PPARGC1A: variants seen among roughly 807,000 people sequenced by gnomAD.
The protein encoded by PPARGC1A is PPARG coactivator 1 alpha, also known as peroxisome proliferator-activated receptor gamma coactivator 1-alpha.
In PPARGC1A, 25 loss-of-function variants were observed where a neutral mutation model predicts 88.7. That is an observed-to-expected ratio of 0.28 (90% confidence interval 0.21 to 0.39). PPARGC1A has a LOEUF of 0.39. Among genes scored for constraint, PPARGC1A ranks in the 10% least tolerant of loss-of-function variants. The probability of loss-of-function intolerance (pLI) is 1.00; values close to 1 mark genes in which losing one functional copy is unlikely to be tolerated. For missense variants in PPARGC1A, 880 were observed against 968.7 expected (o/e 0.91, Z 1.22); for synonymous variants, 363 against 355.6 (o/e 1.02, Z -0.24).
At chr4:24,384,558 C>CAAAAAAAAA in the PPARGC1A span, among the ~76,000 whole-genome samples, 2 of 53,966 alleles carry the variant, frequency 3.7e-5, no homozygotes, top group Non-Finnish European at 4.3e-5. Flanking sequence ...AAATGGAAAG[C>CAAAAAAAAA]AAAAAAAAAA....
chr4:23,852,381 G>C (rs948413327), intron 2 of PPARGC1A, among the ~76,000 whole-genome samples: 3 of 152,096 alleles, frequency 2.0e-5, no homozygotes, highest in African/African-American at 7.2e-5. Flanking sequence ...AGGAGGAGCT[G>C]ATCACTTTAC....
chr4:24,211,762 G>T, the PPARGC1A span, among the ~76,000 whole-genome samples: 1 of 152,290 alleles, frequency 6.6e-6, no homozygotes, highest in African/African-American at 2.4e-5. Flanking sequence ...ACTTCATAGA[G>T]ATGTTGTAAC....
chr4:24,170,496 G>A, the PPARGC1A span, among the ~76,000 whole-genome samples: 2 of 152,188 alleles, frequency 1.3e-5, no homozygotes, highest in African/African-American at 4.8e-5. Flanking sequence ...CAATGCCATG[G>A]CAGGGAGGGG....
At chr4:24,078,292 C>A in the PPARGC1A span, among the ~76,000 whole-genome samples, 1 of 152,030 alleles carries the variant, frequency 6.6e-6, no homozygotes, top group Non-Finnish European at 1.5e-5. Context: ...TCATGAGAGG[C>A]CTTTTTTGGA....
chr4:24,099,866 G>A, the PPARGC1A span, among the ~76,000 whole-genome samples: 5 of 150,214 alleles, frequency 3.3e-5, no homozygotes, highest in African/African-American at 9.8e-5. Flanking sequence ...CTAAGGCTGC[G>A]TTACTCAAAG....
At chr4:23,962,713 C>T in the PPARGC1A span, among the ~76,000 whole-genome samples, 3 of 152,122 alleles carry the variant, frequency 2.0e-5, no homozygotes, top group Admixed American at 6.5e-5. Flanking sequence ...CCTGCACGTA[C>T]AGATTATAAC....
chr4:23,918,899 A>ACATTT, the PPARGC1A span, among the ~76,000 whole-genome samples: 1 of 152,130 alleles, frequency 6.6e-6, no homozygotes, highest in Non-Finnish European at 1.5e-5. Context: ...CCTATCCTAT[A>ACATTT]CATTTCATGC....
At chr4:24,430,496 C>G in the PPARGC1A span, among the ~76,000 whole-genome samples, 1 of 151,738 alleles carries the variant, frequency 6.6e-6, no homozygotes. Context: ...CTCCTGACCT[C>G]GTGATCCCCC....
In PPARGC1A at chr4:23,792,902, G is replaced by C. The variant is rs902741603; in HGVS notation, c.*2920C>G. The C allele has an allele frequency of 6.6e-6, 1 of 152,368 alleles. No individual in the cohort carries two copies. Among genetic ancestry groups the C allele is most frequent in the African/African-American group, 2.4e-5 (1 of 41,440 alleles). The allele number at this position is 152,368 out of a possible 1,614,324, so 9.4% of individuals were successfully genotyped here. ...CTAGATGCAATTTGAAGTCCATTGA[G>C]GAAAACTATCTTCATGGTAACAATA... is the stretch of plus-strand genomic sequence containing the variant. On this transcript the variant is annotated 3_prime_UTR_variant, in exon 13 of 13. Transcript: ENST00000264867.
At chr4:24,012,798 A>G in the PPARGC1A span, among the ~76,000 whole-genome samples, 1 of 152,192 alleles carries the variant, frequency 6.6e-6, no homozygotes, top group African/African-American at 2.4e-5. Flanking sequence ...CAAAATATAC[A>G]GTAAATCCAA....
the PPARGC1A span, among the ~76,000 whole-genome samples, chr4:24,104,102 A>G: frequency 6.6e-6 from 1 of 152,156 alleles, no homozygotes; most frequent in Non-Finnish European, 1.5e-5. Flanking sequence ...AAAATCAAAG[A>G]CAGAATAGCT....
chr4:23,821,873 TG>T, intron 7 of PPARGC1A, among the ~76,000 whole-genome samples: 1 of 152,160 alleles, frequency 6.6e-6, no homozygotes, highest in Non-Finnish European at 1.5e-5. Context: ...GCCAAGGTTT[TG>T]TAAACTTCAC....
chr4:24,188,164 A>C, the PPARGC1A span, among the ~76,000 whole-genome samples: 1 of 151,646 alleles, frequency 6.6e-6, no homozygotes, highest in African/African-American at 2.4e-5. Flanking sequence ...GAAGAGCAAC[A>C]CAGCTAAGAC....
the PPARGC1A span, among the ~76,000 whole-genome samples, chr4:24,390,353 T>C: frequency 6.6e-6 from 1 of 152,074 alleles, no homozygotes; most frequent in Non-Finnish European, 1.5e-5. Context: ...CTTTTATGCA[T>C]TACTATACAG....
the PPARGC1A span, among the ~76,000 whole-genome samples, chr4:23,910,208 CATATATAATATATAATATATT>C: frequency 7.2e-5 from 5 of 69,152 alleles, no homozygotes; most frequent in Non-Finnish European, 1.4e-4. Flanking sequence ...AAAATTTATA[CATATATAATATATAATATATT>C]ATATATAATA....
the PPARGC1A span, among the ~76,000 whole-genome samples, chr4:24,105,497 TTC>T: frequency 6.6e-6 from 1 of 152,178 alleles, no homozygotes; most frequent in Non-Finnish European, 1.5e-5. Context: ...AGTCCAGTGT[TTC>T]TCAAATCTTC....
At chr4:23,937,763 A>G in the PPARGC1A span, among the ~76,000 whole-genome samples, 1 of 152,186 alleles carries the variant, frequency 6.6e-6, no homozygotes, top group Non-Finnish European at 1.5e-5. Flanking sequence ...CAGGGACAGA[A>G]ATGATCTCTC....
At chr4:24,012,013 G>T in the PPARGC1A span, among the ~76,000 whole-genome samples, 1 of 152,050 alleles carries the variant, frequency 6.6e-6, no homozygotes, top group East Asian at 1.9e-4. Flanking sequence ...ATAATCTCTT[G>T]CTACCTAAAA....
At chr4:24,329,535 C>G in the PPARGC1A span, among the ~76,000 whole-genome samples, 2 of 152,168 alleles carry the variant, frequency 1.3e-5, no homozygotes, top group Admixed American at 6.5e-5. Flanking sequence ...GCGCCCTCCC[C>G]CTGGGGCTCT....
Sources: allele counts gnomAD v4.1 joint callset (sites outside exome capture counted in the v4.1 genomes callset), GRCh38; gene constraint gnomAD v4.1.1; transcripts MANE v1.5; gene names NCBI Gene and HGNC (gene_info 2026-07-23, HGNC 2026-07-21).